Variants in PCDHGB4 observed in about 807,000 individuals in gnomAD.
PCDHGB4 encodes protocadherin gamma-B4.
Under a neutral mutation model 60.5 loss-of-function variants are expected in PCDHGB4, and 38 were observed. The ratio of observed to expected loss-of-function variants is 0.63; its 90% CI spans 0.48 to 0.82. The LOEUF is 0.82. Among genes scored for constraint, PCDHGB4 ranks in the 40% least tolerant of loss-of-function variants. The pLI, the probability that PCDHGB4 is intolerant of heterozygous loss-of-function variation, is 0.00. For synonymous variants in PCDHGB4, 456 were observed against 509.7 expected, an observed-to-expected ratio of 0.89 and a Z score of 1.42; for missense variants, 1,109 against 1,209.6, an observed-to-expected ratio of 0.92 and a Z score of 1.23.
chr5:141,420,199 C>T (rs764130526), intron 1 of PCDHGB4: 12 of 1,613,362 alleles, frequency 7.4e-6, no homozygotes, highest in Non-Finnish European at 1.0e-5. Context: ...CACAAGATAA[C>T]CTCAACAAAG....
Position 141,485,468 on chromosome 5 carries a change from A to G in PCDHGB4, c.2398-9339A>G. On this transcript the variant is annotated intron_variant, in intron 1 of 3. Coordinates refer to ENST00000519479, the MANE Select transcript of PCDHGB4 (RefSeq NM_003736.4). This position sits in a 1 kb window ranked among gnomAD's most constrained non-coding sequence, Gnocchi z 5.7. The stretch of plus-strand genomic sequence containing the variant: ...CGACCGAGAGGCACTGTGTGGGCTC[A>G]GTGCCAGCTGCATCGTGCCCCTGGA... 1 of 1,614,166 alleles carries G rather than the reference A, an allele frequency of 6.2e-7. No homozygotes were observed. Among genetic ancestry groups the G allele is most frequent in the Non-Finnish European group, 8.5e-7 (1 of 1,180,020 alleles).
intron 1 of PCDHGB4, chr5:141,391,260 A>G (rs2092328802): frequency 1.3e-5 from 2 of 152,128 alleles, no homozygotes; most frequent in African/African-American, 4.8e-5. Flanking sequence ...TGCTTCAGTT[A>G]ATGGCCACTT....
rs1379154076 is a variant in PCDHGB4 at position 141,389,993 on chromosome 5, G to GCTCT, written c.2109_2110insCTCT (p.Ala704LeufsTer30). 4 of 1,614,016 alleles carry GCTCT rather than the reference G, an allele frequency of 2.5e-6. No homozygotes were observed. The highest frequency in any genetic ancestry group is 2.5e-6 in the Non-Finnish European group (3 of 1,179,892). On this transcript the variant is annotated frameshift_variant, in exon 1 of 4. Transcript: ENST00000519479. LOFTEE classifies it high-confidence loss of function. ...CCTTGATCTCAGTGCTCTTCCTCGT[G>GCTCT]GCCATGATTCTGGCCATTGCCTTGC...
intron 1 of PCDHGB4, among the ~76,000 whole-genome samples, chr5:141,443,905 A>G (rs963772369): frequency 6.6e-6 from 1 of 152,204 alleles, no homozygotes; most frequent in Admixed American, 6.5e-5. Context: ...TAGTAGGAAA[A>G]TTCATAAAAG....
chr5:141,410,980 A>G (rs2095454359), intron 1 of PCDHGB4: 1 of 175,670 alleles, frequency 5.7e-6, no homozygotes, highest in South Asian at 1.4e-4. Context: ...CAGCCTCCCA[A>G]GTAGCTGGGA....
intron 1 of PCDHGB4, chr5:141,402,863 A>C: frequency 1.2e-5 from 17 of 1,429,924 alleles, no homozygotes; most frequent in Non-Finnish European, 1.6e-5. Flanking sequence ...TCTAAGGAAA[A>C]GATCACCATA....
intron 1 of PCDHGB4, among the ~76,000 whole-genome samples, chr5:141,482,875 C>T (rs2099573976): frequency 6.6e-6 from 1 of 151,958 alleles, no homozygotes; most frequent in African/African-American, 2.4e-5. Context: ...AGTTTGAAAC[C>T]AGCCTGGCCA....
chr5:141,485,980 G>C lies in PCDHGB4; in HGVS notation c.2398-8827G>C, dbSNP rs151239937. 1 of 1,614,020 alleles carries C rather than the reference G, an allele frequency of 6.2e-7. No individual in the cohort carries two copies. The highest frequency in any genetic ancestry group is 1.3e-5 in the African/African-American group (1 of 74,914). The stretch of plus-strand genomic sequence containing the variant: ...TCATCCAGCTCAATGCCTCAGACCC[G>C]GACCTGGGTCCCAGTGGTAACGTCA... On this transcript the variant is annotated intron_variant, in intron 1 of 3. Transcript: ENST00000519479. The surrounding 1 kb of genome is among the most constrained non-coding windows in gnomAD (Gnocchi z 5.7).
chr5:141,430,830 G>C, intron 1 of PCDHGB4: 1 of 1,554,968 alleles, frequency 6.4e-7, no homozygotes, highest in Non-Finnish European at 8.7e-7. Context: ...GGGACTCTGT[G>C]GGAGACCGGA....
At chr5:141,449,450 T>C (rs1269861041) in intron 1 of PCDHGB4, among the ~76,000 whole-genome samples, 2 of 151,216 alleles carry the variant, frequency 1.3e-5, no homozygotes, top group Non-Finnish European at 2.9e-5. Context: ...CTACTAAAAA[T>C]ACAAAAATTA....
At chr5:141,427,132 G>T (rs755992698) in intron 1 of PCDHGB4, 1 of 457,106 alleles carries the variant, frequency 2.2e-6, no homozygotes, top group Non-Finnish European at 4.4e-6. Context: ...AAATCCCTAC[G>T]AGATGATATT....
intron 1 of PCDHGB4, among the ~76,000 whole-genome samples, chr5:141,457,745 G>T (rs1039982528): frequency 6.6e-6 from 1 of 152,232 alleles, no homozygotes; most frequent in Non-Finnish European, 1.5e-5. Flanking sequence ...TTTTAAAGCT[G>T]AGCCCAGACA....
chr5:141,450,851 G>T (rs1184272833), intron 1 of PCDHGB4, among the ~76,000 whole-genome samples: 1 of 142,602 alleles, frequency 7.0e-6, no homozygotes, highest in Non-Finnish European at 1.5e-5. Context: ...TTGAGATGGG[G>T]TCTTGCTCTG....
chr5:141,402,850 T>C (rs1447900346), intron 1 of PCDHGB4: 7 of 1,417,624 alleles, frequency 4.9e-6, no homozygotes, highest in Non-Finnish European at 6.5e-6. Context: ...TCAGCCTCTT[T>C]CTTCTAAGGA....
Position 141,432,683 on chromosome 5 carries a change from C to T in PCDHGB4, c.2397+42402C>T, listed in dbSNP as rs138402830. The T allele has an allele frequency of 4.8e-5, 78 of 1,613,968 alleles. No individual in the cohort carries two copies. In the African/African-American group the frequency reaches 9.5e-4, roughly 20 times the overall value. On this transcript the variant is annotated intron_variant, in intron 1 of 3. Transcript: ENST00000519479. The surrounding 1 kb of genome is among the most constrained non-coding windows in gnomAD (Gnocchi z 6.0). ...GGACAGAGACGCGCTCAAGCAGAGC[C>T]TCGTAGTGGCCGTCCAGGACCACGG...
chr5:141,422,795 A>G lies in PCDHGB4; in HGVS notation c.2397+32514A>G, dbSNP rs543001807. ...CTCTATGCCCTACAATCCTTCGACTATGAGCAGTTTCGAGACTTAGAACTG... is the reference window on the plus strand; with the variant it reads ...CTCTATGCCCTACAATCCTTCGACTGTGAGCAGTTTCGAGACTTAGAACTG... On this transcript the variant is annotated intron_variant, in intron 1 of 3. Transcript: ENST00000519479. 14 of 1,614,198 alleles carry G rather than the reference A, an allele frequency of 8.7e-6. No homozygotes were observed. In the East Asian group the frequency reaches 1.8e-4, roughly 21 times the overall value.
rs980122657 is a variant in PCDHGB4, at chr5:141,511,379, C to G, written c.*206C>G. The G allele has an allele frequency of 2.9e-5, 34 of 1,169,842 alleles. No individual in the cohort carries two copies. The highest frequency in any genetic ancestry group is 3.9e-5 in the Non-Finnish European group (33 of 853,834). The allele number at this position is 1,169,842 out of a possible 1,614,324, so 72.5% of individuals were successfully genotyped here. ...GGGGGTTGAATATGCAAAAGCAGTT[C>G]CGCTGGGAACCCCCATCCAATCAAC... On this transcript the variant is annotated 3_prime_UTR_variant, in exon 4 of 4. Transcript: ENST00000519479.
At chr5:141,421,700 C>A (rs755518757) in intron 1 of PCDHGB4, 2 of 1,613,900 alleles carry the variant, frequency 1.2e-6, no homozygotes, top group Non-Finnish European at 1.7e-6. Flanking sequence ...CTTCCTAATG[C>A]TAGGGATCCA....
rs1224943883 is a variant in PCDHGB4 at position 141,493,516 on chromosome 5, G to A, written c.2398-1291G>A. Among the ~76,000 whole-genome samples, 1 of 152,122 alleles carries A rather than the reference G, an allele frequency of 6.6e-6. No individual in the cohort carries two copies. The highest frequency in any genetic ancestry group is 1.5e-5 in the Non-Finnish European group (1 of 68,036). On this transcript the variant is annotated intron_variant, in intron 1 of 3. Coordinates refer to ENST00000519479, the MANE Select transcript of PCDHGB4 (RefSeq NM_003736.4). The surrounding 1 kb of genome is among the most constrained non-coding windows in gnomAD (Gnocchi z 4.3). ...GGCTCCTCATTTCTGAGCAGTCCCC[G>A]CAGCGCAAACTTGGCCAGTTATCCT...
Sources: allele counts gnomAD v4.1 joint callset (sites outside exome capture counted in the v4.1 genomes callset), GRCh38; gene constraint gnomAD v4.1.1; non-coding constraint Gnocchi (gnomAD v3.1); transcripts MANE v1.5; gene names NCBI Gene and HGNC (gene_info 2026-07-23, HGNC 2026-07-21).